Variants in EZH1 observed in about 807,000 individuals in gnomAD.
The protein encoded by EZH1 is enhancer of zeste 1 polycomb repressive complex 2 subunit.
EZH1 carries 33 observed loss-of-function variants against 100.5 expected under a neutral mutation model. The observed-to-expected ratio is 0.33, with a 90% CI of 0.25 to 0.44. EZH1 has a LOEUF of 0.44. Among genes scored for constraint, EZH1 ranks in the 20% least tolerant of loss-of-function variants. EZH1 has a pLI of 1.00. For missense variants in EZH1, 475 were observed against 928.4 expected, an observed-to-expected ratio of 0.51 and a Z score of 6.35; for synonymous variants, 272 against 313.8, an observed-to-expected ratio of 0.87 and a Z score of 1.41.
rs1195957636 is a variant in EZH1, at chr17:42,718,348, A to C, written c.931+106T>G. On this transcript the variant is annotated intron_variant, in intron 9 of 20. Transcript: ENST00000428826. This position sits in a 1 kb window ranked among gnomAD's most constrained non-coding sequence, Gnocchi z 4.2. ...TAGAACTGGCCCTTTGTAAAACGTT[A>C]GAACAGAAGCCAGGAACTCTATACG... 1 of 1,438,132 alleles carries C rather than the reference A, an allele frequency of 7.0e-7. No homozygotes were observed. Among genetic ancestry groups the C allele is most frequent in the Non-Finnish European group, 9.4e-7 (1 of 1,063,412 alleles). 89.1% of individuals were successfully genotyped at this position (1,438,132 alleles called of 1,614,324 possible). A position where few individuals can be genotyped will look rare whatever the true frequency, so the allele number is the denominator to read the frequency against.
Position 42,713,597 on chromosome 17 carries a change from GT to G in EZH1, c.1024-209del, listed in dbSNP as rs1264554204. 3.7e-4 allele frequency among the ~76,000 whole-genome samples: 56 copies of G among 151,880 alleles called. 1 individual carries two copies. Among genetic ancestry groups the G allele is most frequent in the Non-Finnish European group, 7.1e-4 (48 of 67,994 alleles). Reference sequence around the variant, plus strand: ...TTTCACAAAAGAGTTGTCCTATAATGTTTTTTTGTTTGTTTGTTTTTTTGAG... The same window carrying G: ...TTTCACAAAAGAGTTGTCCTATAATGTTTTTTGTTTGTTTGTTTTTTTGAG... On this transcript the variant is annotated intron_variant, in intron 10 of 20. Transcript: ENST00000428826.
At chr17:42,709,750 T>A in intron 13 of EZH1, 96 bp downstream of exon 13, 1 of 1,164,254 alleles carries the variant, frequency 8.6e-7, no homozygotes, top group Non-Finnish European at 1.3e-6. Context: ...CCTGTGCGGT[T>A]GCTAAAGAGG....
At chr17:42,722,646 A>AAT in intron 6 of EZH1, 149 bp downstream of exon 6, 1 of 662,358 alleles carries the variant, frequency 1.5e-6, no homozygotes, top group Non-Finnish European at 2.3e-6. Flanking sequence ...AAAAAAAAAA[A>AAT]TTAACTCCCA....
chr17:42,734,288 C>A (rs2054019694), intron 1 of EZH1, among the ~76,000 whole-genome samples: 1 of 152,062 alleles, frequency 6.6e-6, no homozygotes, highest in African/African-American at 2.4e-5. Flanking sequence ...GATCTGCCTG[C>A]CTCAGCCTGC....
chr17:42,729,092 A>C, intron 2 of EZH1, 140 bp from the exon 3 acceptor site: 14 of 792,012 alleles, frequency 1.8e-5, no homozygotes, highest in East Asian at 6.0e-5. Flanking sequence ...AAGAACCCAA[A>C]TGTGTGAGTT....
chr17:42,708,027 AGGGGCGGTCT>A lies in EZH1; in HGVS notation c.1581_1590del (p.Asp528ValfsTer9). The A allele has an allele frequency of 6.2e-7, 1 of 1,611,424 alleles. No homozygotes were observed. Among genetic ancestry groups the A allele is most frequent in the Non-Finnish European group, 8.5e-7 (1 of 1,179,250 alleles). ...ATGATGCAGGGGCAGGTGCTGTCAC[AGGGGCGGTCT>A]GGGTGGTCGCAGGGTTGGTAGTTGT... On this transcript the variant is annotated frameshift_variant, in exon 15 of 21. Coordinates refer to ENST00000428826, the MANE Select transcript of EZH1 (RefSeq NM_001991.5). LOFTEE classifies it high-confidence loss of function.
chr17:42,728,778 T>C, intron 3 of EZH1, 47 bp downstream of exon 3: 1 of 1,583,150 alleles, frequency 6.3e-7, no homozygotes, highest in African/African-American at 1.4e-5. Context: ...TTACACTGGG[T>C]CAGTATATTG....
intron 6 of EZH1, among the ~76,000 whole-genome samples, chr17:42,722,580 ACACCACTG>A (rs1261449112): frequency 2.7e-5 from 4 of 148,456 alleles, no homozygotes; most frequent in African/African-American, 1.0e-4. Flanking sequence ...AGCCTAGATT[ACACCACTG>A]CACTCCAGCC....
At chr17:42,715,242 AATATAAT>A (rs373084086) in intron 10 of EZH1, among the ~76,000 whole-genome samples, 21 of 143,770 alleles carry the variant, frequency 1.5e-4, no homozygotes, top group East Asian at 1.2e-3. Context: ...ATTTATATAT[AATATAAT>A]ATATAATAGA....
intron 18 of EZH1, 39 bp from the exon 19 acceptor site, chr17:42,703,859 G>T (rs1326289816): frequency 7.1e-7 from 1 of 1,410,120 alleles, no homozygotes; most frequent in South Asian, 1.2e-5. Context: ...AAGCACAGCA[G>T]GCAATTCCAC....
At chr17:42,738,627 T>G (rs2054114489) in intron 1 of EZH1, among the ~76,000 whole-genome samples, 1 of 151,844 alleles carries the variant, frequency 6.6e-6, no homozygotes, top group South Asian at 2.1e-4. Flanking sequence ...AATTTTTGTA[T>G]TTTTAGTAGA....
intron 4 of EZH1, among the ~76,000 whole-genome samples, chr17:42,725,334 T>G (rs755275824): frequency 1.3e-5 from 2 of 151,536 alleles, no homozygotes; most frequent in Non-Finnish European, 2.9e-5. Context: ...AGTTGTGCAA[T>G]CACAGCTCAC....
At chr17:42,743,827 T>C (rs1033581759) in intron 1 of EZH1, among the ~76,000 whole-genome samples, 1 of 152,100 alleles carries the variant, frequency 6.6e-6, no homozygotes, top group Non-Finnish European at 1.5e-5. Context: ...ATCAGTGGCA[T>C]ATCTGGGGAT....
intron 5 of EZH1, 107 bp downstream of exon 5, chr17:42,724,198 T>C (rs2053772566): frequency 7.6e-7 from 1 of 1,321,354 alleles, no homozygotes; most frequent in South Asian, 1.2e-5. Flanking sequence ...CTGCATGTCC[T>C]AGCTGTGTTA....
chr17:42,709,888 T>C lies in EZH1; in HGVS notation c.1451A>G (p.Asp484Gly). The C allele has an allele frequency of 6.2e-7, 1 of 1,614,194 alleles. No individual in the cohort carries two copies. The highest frequency in any genetic ancestry group is 8.5e-7 in the Non-Finnish European group (1 of 1,180,008). ...CTTCTGTGAGGGGTTCATGAGCTCA[T>C]CTGTTGGCAGCTTCAGGATAAGTGA... ...KESLILKLPT[D>G]ELMNPSQKKK... The change falls in exon 13 of 21, where the codon GAT (aspartate) becomes GGT (glycine). Residue 484 changes from aspartate to glycine, a missense_variant. Asp to Gly is a moderately conservative substitution (Grantham distance 94). Transcript: ENST00000428826.
chr17:42,702,449 C>T lies in EZH1; in HGVS notation c.*83G>A. On this transcript the variant is annotated 3_prime_UTR_variant, in exon 21 of 21. Coordinates refer to ENST00000428826, the MANE Select transcript of EZH1 (RefSeq NM_001991.5). ...GTTTCTCAGTGTGGGAGACACAGTG[C>T]AGGAGACTCGAGCAGCAGTGGTGTG... is the stretch of plus-strand genomic sequence containing the variant. The T allele has an allele frequency of 1.7e-6, 2 of 1,187,936 alleles. No individual in the cohort carries two copies. The highest frequency in any genetic ancestry group is 2.6e-5 in the East Asian group (1 of 38,892). The allele number at this position is 1,187,936 out of a possible 1,614,324, so 73.6% of individuals were successfully genotyped here.
Position 42,730,855 on chromosome 17 carries a change from GT to G in EZH1, c.-40del, listed in dbSNP as rs2053934301. 1 of 985,492 alleles carries G rather than the reference GT, an allele frequency of 1.0e-6. No homozygotes were observed. The highest frequency in any genetic ancestry group is 1.2e-6 in the Non-Finnish European group (1 of 829,912). The allele number at this position is 985,492 out of a possible 1,614,324, so 61.0% of individuals were successfully genotyped here. ...TATAGAATGCAAGGGGAAGTGTTGGGTTTTACAGTGTGCCTCTGTTCTTCAG... is the reference window on the plus strand; with the variant it reads ...TATAGAATGCAAGGGGAAGTGTTGGGTTTACAGTGTGCCTCTGTTCTTCAG... On this transcript the variant is annotated 5_prime_UTR_variant, in exon 2 of 21. Transcript: ENST00000428826.
Position 42,705,276 on chromosome 17 carries a change from A to G in EZH1, c.1840-93T>C, listed in dbSNP as rs892259632. ...CACATGTGTGGTGGGGGTGGGGTGG[A>G]AAGAACCAGCAACTGTTAAGAGGAT... On this transcript the variant is annotated intron_variant, in intron 16 of 20. Transcript: ENST00000428826. The G allele has an allele frequency of 8.9e-6, 6 of 672,018 alleles. No individual in the cohort carries two copies. The African/African-American group carries it at 8.9e-5, about 10-fold the overall frequency. The allele number at this position is 672,018 out of a possible 1,614,324, so 41.6% of individuals were successfully genotyped here. A position where few individuals can be genotyped will look rare whatever the true frequency, so the allele number is the denominator to read the frequency against.
chr17:42,737,500 G>A (rs536734537), intron 1 of EZH1, among the ~76,000 whole-genome samples: 4 of 152,202 alleles, frequency 2.6e-5, no homozygotes, highest in Admixed American at 6.5e-5. Flanking sequence ...CTACCAGGGA[G>A]GCTGAGGTGA....
Sources: gnomAD v4.1 joint callset for allele counts (sites outside exome capture counted in the v4.1 genomes callset) on GRCh38, gnomAD v4.1.1 for gene constraint, Gnocchi (gnomAD v3.1) non-coding constraint, MANE v1.5 for transcripts, NCBI Gene and HGNC (gene_info 2026-07-23, HGNC 2026-07-21) for gene names.